The following TMED8 variants were observed in gnomAD, a reference collection of about 807,000 sequenced individuals.
The protein encoded by TMED8 is transmembrane p24 trafficking protein family member 8.
In TMED8, 15 loss-of-function variants were observed where a neutral mutation model predicts 32.7. That is an observed-to-expected ratio of 0.46 (90% CI 0.31 to 0.71). The LOEUF (loss-of-function observed/expected upper bound fraction) is 0.71, where lower values mean the gene tolerates loss of function less well. Among genes scored for constraint, TMED8 ranks in the 30% least tolerant of loss-of-function variants. TMED8 has a pLI of 0.06. For missense variants in TMED8, 390 were observed against 423.9 expected (o/e 0.92, Z 0.70); for synonymous variants, 147 against 161.4 (o/e 0.91, Z 0.68).
In TMED8 at chr14:77,376,901, C is replaced by T; in HGVS notation, c.118+35G>A. The T allele has an allele frequency of 1.2e-5, 15 of 1,289,354 alleles. No homozygotes were observed. The highest frequency in any genetic ancestry group is 1.5e-5 in the Non-Finnish European group (15 of 982,778). 79.9% of individuals were successfully genotyped at this position (1,289,354 alleles called of 1,614,324 possible). On this transcript the variant is annotated intron_variant, in intron 1 of 5. Transcript: ENST00000216468. The surrounding 1 kb of genome is among the most constrained non-coding windows in gnomAD (Gnocchi z 4.0). ...CGTGGTGCGGGGCCCTGAGGCCGGG[C>T]GGCACCCACCCGCCAGCGCCCCGGC...
chr14:77,372,950 ATATTTTTTTTTT>A (rs1893727577), intron 1 of TMED8, among the ~76,000 whole-genome samples: 1 of 15,120 alleles, frequency 6.6e-5, no homozygotes, highest in Non-Finnish European at 1.0e-4. Flanking sequence ...ATATATATAT[ATATTTTTTTTTT>A]TTTTTTTTTT....
intron 1 of TMED8, among the ~76,000 whole-genome samples, chr14:77,372,940 ATATATATATATATTTTTTTTTTTTTTTTT>A (rs1893720689): frequency 3.8e-5 from 1 of 26,450 alleles, no homozygotes; most frequent in African/African-American, 3.2e-4. Flanking sequence ...ATATATATAT[ATATATATATATATTTTTTTTTTTTTTTTT>A]TTTTTTTTTT....
At chr14:77,363,030 G>A (rs188011030) in intron 1 of TMED8, among the ~76,000 whole-genome samples, 2 of 152,148 alleles carry the variant, frequency 1.3e-5, no homozygotes, top group East Asian at 3.9e-4. Context: ...GAATAGTAGG[G>A]GACCTCAATA....
chr14:77,346,963 G>A (rs1339589215), intron 2 of TMED8, among the ~76,000 whole-genome samples: 1 of 151,906 alleles, frequency 6.6e-6, no homozygotes, highest in Non-Finnish European at 1.5e-5. Context: ...TACTGTCTTA[G>A]CAATTTTCAA....
In TMED8 at chr14:77,343,174, T is replaced by A; in HGVS notation, c.760+4A>T. On this transcript the variant is annotated splice_donor_region_variant and intron_variant, in intron 5 of 5. Coordinates refer to ENST00000216468, the MANE Select transcript of TMED8 (RefSeq NM_213601.3). ...ACTGCAAATTAGGTTAAAATTAAAT[T>A]TACCTTCAATCTCTTCCTCCTCTTC... is the stretch of plus-strand genomic sequence containing the variant. The A allele has an allele frequency of 6.2e-7, 1 of 1,609,318 alleles. No individual in the cohort carries two copies. Among genetic ancestry groups the A allele is most frequent in the Non-Finnish European group, 8.5e-7 (1 of 1,176,862 alleles).
intron 1 of TMED8, among the ~76,000 whole-genome samples, chr14:77,364,987 T>A (rs1016789261): frequency 6.6e-6 from 1 of 152,238 alleles, no homozygotes; most frequent in African/African-American, 2.4e-5. Context: ...CAAGCTCTTT[T>A]ATGCATAAAA....
At chr14:77,358,617 CTAACTT>C (rs1893355457) in intron 1 of TMED8, among the ~76,000 whole-genome samples, 1 of 152,094 alleles carries the variant, frequency 6.6e-6, no homozygotes, top group Admixed American at 6.6e-5. Context: ...GATTTTTAAC[CTAACTT>C]TAATTCTATA....
intron 1 of TMED8, among the ~76,000 whole-genome samples, chr14:77,368,501 G>A (rs551381773): frequency 7.9e-5 from 12 of 151,618 alleles, no homozygotes; most frequent in East Asian, 3.9e-4. Flanking sequence ...TTTTTGAGAC[G>A]GAGTCTCACT....
Position 77,371,811 on chromosome 14 carries a change from C to G in TMED8, c.118+5125G>C, listed in dbSNP as rs1308400048. On this transcript the variant is annotated intron_variant, in intron 1 of 5. Transcript: ENST00000216468. The stretch of plus-strand genomic sequence containing the variant: ...TTTTATTATATTAGCCAAATATAAG[C>G]CAATTCTGAAAGTATTCCTAGAAGA... 3.3e-5 allele frequency among the ~76,000 whole-genome samples: 5 copies of G among 152,052 alleles called. No individual in the cohort carries two copies. In the East Asian group the frequency reaches 9.6e-4, roughly 29 times the overall value.
At chr14:77,360,973 C>CTTT (rs71128616) in intron 1 of TMED8, among the ~76,000 whole-genome samples, 5 of 85,488 alleles carry the variant, frequency 5.8e-5, no homozygotes, top group African/African-American at 1.0e-4. Context: ...GATCCTTTGC[C>CTTT]TTTTTTTTTT....
At chr14:77,366,414 G>T (rs181000606) in intron 1 of TMED8, among the ~76,000 whole-genome samples, 1 of 152,370 alleles carries the variant, frequency 6.6e-6, no homozygotes, top group Non-Finnish European at 1.5e-5. Context: ...ATGAGAGACA[G>T]AATTCATCTA....
In TMED8 at chr14:77,360,570, T is replaced by C. The variant is rs181628506; in HGVS notation, c.119-8819A>G. 4.6e-5 allele frequency among the ~76,000 whole-genome samples: 7 copies of C among 152,320 alleles called. 1 individual carries two copies. Among genetic ancestry groups the C allele is most frequent in the Admixed American group, 4.6e-4 (7 of 15,300 alleles). Reference sequence around the variant, plus strand: ...TAAATAATATTCCTCTGTGTGTATGTATGCACACCACAGCTTCTTTATTCA... The same window carrying C: ...TAAATAATATTCCTCTGTGTGTATGCATGCACACCACAGCTTCTTTATTCA... On this transcript the variant is annotated intron_variant, in intron 1 of 5. Coordinates refer to ENST00000216468, the MANE Select transcript of TMED8 (RefSeq NM_213601.3).
intron 1 of TMED8, among the ~76,000 whole-genome samples, chr14:77,366,208 C>T (rs766598806): frequency 2.0e-5 from 3 of 152,200 alleles, no homozygotes; most frequent in South Asian, 2.1e-4. Flanking sequence ...GGACCCCAGA[C>T]GTAGAAGTCA....
At chr14:77,342,435 A>ATCTTTACCTGGC (rs111887240) in intron 5 of TMED8, among the ~76,000 whole-genome samples, 102,835 of 151,816 alleles carry the variant, frequency 0.68, 35,836 homozygotes, top group African/African-American at 0.86. Flanking sequence ...TGACCCTAGG[A>ATCTTTACCTGGC]TTCCTGAAAA....
intron 2 of TMED8, among the ~76,000 whole-genome samples, chr14:77,350,670 C>T (rs1472136325): frequency 2.6e-5 from 4 of 152,082 alleles, no homozygotes; most frequent in Admixed American, 6.5e-5. Flanking sequence ...TTTTAAGGCT[C>T]GGTGTGGTGG....
In TMED8 at chr14:77,340,771, A is replaced by G. The variant is rs1892877418; in HGVS notation, c.*1000T>C. The G allele has an allele frequency of 6.6e-6, 1 of 152,186 alleles. No homozygotes were observed. The highest frequency in any genetic ancestry group is 1.5e-5 in the Non-Finnish European group (1 of 68,030). The allele number at this position is 152,186 out of a possible 1,614,324, so 9.4% of individuals were successfully genotyped here. On this transcript the variant is annotated 3_prime_UTR_variant, in exon 6 of 6. Transcript: ENST00000216468. ...CAATGCAAGAAAGCTAAATGCAGAAACTTTGGAAACCTGATTGGGTTTCAC... is the reference window on the plus strand; with the variant it reads ...CAATGCAAGAAAGCTAAATGCAGAAGCTTTGGAAACCTGATTGGGTTTCAC...
chr14:77,353,235 T>A (rs1281817265), intron 1 of TMED8, among the ~76,000 whole-genome samples: 1 of 152,122 alleles, frequency 6.6e-6, no homozygotes, highest in Non-Finnish European at 1.5e-5. Context: ...CTCATTAAAC[T>A]CCCTCTGTGT....
intron 1 of TMED8, among the ~76,000 whole-genome samples, chr14:77,375,021 T>C (rs986735089): frequency 1.3e-4 from 20 of 152,350 alleles, no homozygotes; most frequent in Admixed American, 1.3e-3. Flanking sequence ...TTAACCTTTC[T>C]CAGCTGTAGT....
intron 1 of TMED8, among the ~76,000 whole-genome samples, chr14:77,355,108 G>A (rs750268981): frequency 2.0e-5 from 3 of 151,536 alleles, no homozygotes; most frequent in African/African-American, 7.3e-5. Flanking sequence ...TATCCCTTGA[G>A]AAATACATTT....
Sources: gnomAD v4.1 joint callset for allele counts (sites outside exome capture counted in the v4.1 genomes callset) on GRCh38, gnomAD v4.1.1 for gene constraint, Gnocchi (gnomAD v3.1) non-coding constraint, MANE v1.5 for transcripts, NCBI Gene and HGNC (gene_info 2026-07-23, HGNC 2026-07-21) for gene names.